The following DTX4 variants were observed in gnomAD, a reference collection of about 807,000 sequenced individuals.
DTX4 encodes the protein deltex E3 ubiquitin ligase 4.
DTX4 carries 28 observed loss-of-function variants against 57.6 expected under a neutral mutation model. The observed-to-expected ratio is 0.49, with a 90% CI of 0.36 to 0.67. The LOEUF is 0.67. Ranked by LOEUF, DTX4 falls within the 30% of genes least tolerant of loss-of-function variation. The pLI, the probability that DTX4 is intolerant of heterozygous loss-of-function variation, is 0.00. For synonymous variants in DTX4, 316 were observed against 331.0 expected, an observed-to-expected ratio of 0.95 and a Z score of 0.49; for missense variants, 715 against 836.8, an observed-to-expected ratio of 0.85 and a Z score of 1.80.
intron 8 of DTX4, among the ~76,000 whole-genome samples, chr11:59,204,021 G>A (rs1565222617): frequency 1.3e-5 from 2 of 152,126 alleles, no homozygotes; most frequent in South Asian, 4.1e-4. Flanking sequence ...CCAAGGCCTG[G>A]AACAGGGCAT....
intron 8 of DTX4, among the ~76,000 whole-genome samples, chr11:59,203,896 A>G (rs776445331): frequency 2.0e-5 from 3 of 152,204 alleles, no homozygotes; most frequent in Non-Finnish European, 4.4e-5. Flanking sequence ...TGCTTTCATT[A>G]CTAATACTAT....
At chr11:59,190,614 G>A (rs1462835773) in intron 4 of DTX4, among the ~76,000 whole-genome samples, 3 of 152,218 alleles carry the variant, frequency 2.0e-5, no homozygotes, top group Admixed American at 2.0e-4. Context: ...GGCTGGCAGT[G>A]ACAGTGCCAT....
intron 6 of DTX4, among the ~76,000 whole-genome samples, chr11:59,194,527 A>G (rs562349011): frequency 5.3e-5 from 8 of 152,364 alleles, no homozygotes; most frequent in Non-Finnish European, 1.0e-4. Context: ...AATGCTAATA[A>G]CATTTAGATA....
chr11:59,200,974 C>G (rs967441707), intron 8 of DTX4, among the ~76,000 whole-genome samples: 3 of 152,228 alleles, frequency 2.0e-5, no homozygotes, highest in Non-Finnish European at 4.4e-5. Context: ...TTAGTCTGTT[C>G]TGGCTGCTGT....
Position 59,199,688 on chromosome 11 carries a change from C to T in DTX4, c.1541C>T (p.Pro514Leu), listed in dbSNP as rs369164250. 47 of 1,573,360 alleles carry T rather than the reference C, an allele frequency of 3.0e-5. No individual in the cohort carries two copies. The highest frequency in any genetic ancestry group is 1.2e-4 in the African/African-American group (9 of 73,852). Residue 514 changes from proline to leucine, a missense_variant, in exon 8 of 9, where the codon CCG (proline) becomes CTG (leucine). Pro to Leu is a moderately conservative substitution (Grantham distance 98). Coordinates refer to ENST00000227451, the MANE Select transcript of DTX4 (RefSeq NM_015177.2). ...TTGCTTGCTTTCTGCTTTCAGGGAC[C>T]GGAACACCCGAATCCTGGGAAGAGT... is the stretch of plus-strand genomic sequence containing the variant. ...IYSIPPGIQG[P>L]EHPNPGKSFS...
intron 1 of DTX4, among the ~76,000 whole-genome samples, chr11:59,176,801 A>G (rs1862401799): frequency 6.6e-6 from 1 of 152,206 alleles, no homozygotes; most frequent in Non-Finnish European, 1.5e-5. Flanking sequence ...TCCTTAGTTT[A>G]TGAACATCCT....
At position 59,177,945 on chromosome 11, in the gene DTX4, A is replaced by G. The variant is rs191615972; in HGVS notation, c.212-3794A>G. ...AGCACATACCTTGATGCCCACTCTC[A>G]TGGTACTCACTCTCTAGTGAAGGGG... On this transcript the variant is annotated intron_variant, in intron 1 of 8. Transcript: ENST00000227451. Among the ~76,000 whole-genome samples, 4 of 152,318 alleles carry G rather than the reference A, an allele frequency of 2.6e-5. No individual in the cohort carries two copies. The East Asian group carries it at 7.7e-4, about 29-fold the overall frequency.
intron 1 of DTX4, among the ~76,000 whole-genome samples, chr11:59,178,273 A>T (rs1382128168): frequency 6.6e-6 from 1 of 151,954 alleles, no homozygotes; most frequent in Non-Finnish European, 1.5e-5. Flanking sequence ...GTTGGTGGGT[A>T]GGGGGGATTT....
chr11:59,192,088 C>A lies in DTX4; in HGVS notation c.1222-10C>A. 6.2e-7 allele frequency: 1 copy of A among 1,607,968 alleles called. No homozygotes were observed. The highest frequency in any genetic ancestry group is 8.5e-7 in the Non-Finnish European group (1 of 1,175,876). On this transcript the variant is annotated splice_polypyrimidine_tract_variant and intron_variant, in intron 5 of 8. Transcript: ENST00000227451. ...TGACAGCCTCTCTGCTGTGTCTCCTCCCTCCCCAGGACTGCACCATCTGTA... is the reference window on the plus strand; with the variant it reads ...TGACAGCCTCTCTGCTGTGTCTCCTACCTCCCCAGGACTGCACCATCTGTA...
chr11:59,172,493 G>A lies in DTX4; in HGVS notation c.-103G>A, dbSNP rs1862338957. ...GGGGCGGCGGGGCGCGGGGCAGGGG[G>A]CGCGGTCGAGGCCCGGAGGCGGCGG... is the stretch of plus-strand genomic sequence containing the variant. On this transcript the variant is annotated 5_prime_UTR_variant, in exon 1 of 9. Coordinates refer to ENST00000227451, the MANE Select transcript of DTX4 (RefSeq NM_015177.2). 1.6e-6 allele frequency: 1 copy of A among 612,664 alleles called. No homozygotes were observed. The highest frequency in any genetic ancestry group is 2.2e-6 in the Non-Finnish European group (1 of 453,812). The allele number at this position is 612,664 out of a possible 1,614,324, so 38.0% of individuals were successfully genotyped here.
chr11:59,175,081 C>A (rs1209697715), intron 1 of DTX4, among the ~76,000 whole-genome samples: 1 of 152,210 alleles, frequency 6.6e-6, no homozygotes, highest in Non-Finnish European at 1.5e-5. Context: ...CCTTCTCCAC[C>A]AACACACTCA....
chr11:59,182,089 C>T lies in DTX4; in HGVS notation c.562C>T (p.Pro188Ser). 1 of 1,613,042 alleles carries T rather than the reference C, an allele frequency of 6.2e-7. No homozygotes were observed. Among genetic ancestry groups the T allele is most frequent in the South Asian group, 1.1e-5 (1 of 90,958 alleles). The change falls in exon 2 of 9, where the codon CCC becomes TCC. Residue 188 changes from proline to serine, a missense_variant. Transcript: ENST00000227451. ...GCCAGCCACCTCGCCCCCCATGTCCCCCTGCTCCTGTCCCCAGTGTGTCTT... is the reference window on the plus strand; with the variant it reads ...GCCAGCCACCTCGCCCCCCATGTCCTCCTGCTCCTGTCCCCAGTGTGTCTT... ...PGPATSPPMS[P>S]CSCPQCVLVM...
At chr11:59,203,646 G>A (rs769050438) in intron 8 of DTX4, among the ~76,000 whole-genome samples, 1 of 152,294 alleles carries the variant, frequency 6.6e-6, no homozygotes, top group Non-Finnish European at 1.5e-5. Flanking sequence ...AAGTAGGAGT[G>A]CACTCTACAA....
At position 59,188,737 on chromosome 11, in the gene DTX4, T is replaced by A; in HGVS notation, c.938T>A (p.Val313Asp). 2 of 1,613,680 alleles carry A rather than the reference T, an allele frequency of 1.2e-6. No individual in the cohort carries two copies. The highest frequency in any genetic ancestry group is 2.2e-5 in the South Asian group (2 of 91,060). The change falls in exon 3 of 9, where the codon GTC becomes GAC. Residue 313 changes from valine (V) to aspartate (D), a missense_variant and splice_region_variant. Coordinates refer to ENST00000227451, the MANE Select transcript of DTX4 (RefSeq NM_015177.2). ...AQSRVLIASG[V>D]PTVPVKNLNG... Reference sequence around the variant, plus strand: ...GTATCTGCTCTTTCCTTTCACAGGGTCCCCACAGTCCCAGTGAAGAACCTA... The same window carrying A: ...GTATCTGCTCTTTCCTTTCACAGGGACCCCACAGTCCCAGTGAAGAACCTA...
At chr11:59,195,997 A>T (rs560938457) in intron 7 of DTX4, among the ~76,000 whole-genome samples, 1 of 152,262 alleles carries the variant, frequency 6.6e-6, no homozygotes, top group Non-Finnish European at 1.5e-5. Flanking sequence ...GTCCTGAAGA[A>T]CAAATCTGAA....
chr11:59,172,563 C>A lies in DTX4; in HGVS notation c.-33C>A, dbSNP rs774533756. The A allele has an allele frequency of 2.2e-4, 292 of 1,306,474 alleles. No individual in the cohort carries two copies. The highest frequency in any genetic ancestry group is 2.6e-4 in the Non-Finnish European group (271 of 1,024,750). 80.9% of individuals were successfully genotyped at this position (1,306,474 alleles called of 1,614,324 possible). A position where few individuals can be genotyped will look rare whatever the true frequency, so the allele number is the denominator to read the frequency against. ...GGTCGGGCGCTCGGGGCCCGGGAGG[C>A]GGGCCGCGCAGCGCCGCAGCCCCGG... On this transcript the variant is annotated 5_prime_UTR_variant, in exon 1 of 9. Transcript: ENST00000227451.
intron 2 of DTX4, among the ~76,000 whole-genome samples, chr11:59,185,095 C>A (rs1479537238): frequency 6.6e-6 from 1 of 152,092 alleles, no homozygotes; most frequent in African/African-American, 2.4e-5. Flanking sequence ...ACAAAAGATC[C>A]TGTGAATTAT....
chr11:59,197,848 G>A (rs1439207619), intron 7 of DTX4, among the ~76,000 whole-genome samples: 1 of 152,190 alleles, frequency 6.6e-6, no homozygotes. Context: ...CAGTAGAACA[G>A]ACTGAAGCTT....
chr11:59,175,453 A>AGACACCC (rs1455566499), intron 1 of DTX4, among the ~76,000 whole-genome samples: 2 of 152,168 alleles, frequency 1.3e-5, no homozygotes, highest in Non-Finnish European at 2.9e-5. Context: ...GGGAGGTCCC[A>AGACACCC]GACACCCGTC....
Sources: allele counts gnomAD v4.1 joint callset (sites outside exome capture counted in the v4.1 genomes callset), GRCh38; gene constraint gnomAD v4.1.1; transcripts MANE v1.5; gene names NCBI Gene and HGNC (gene_info 2026-07-23, HGNC 2026-07-21).